The following UBR3 variants were observed in gnomAD, a reference collection of about 807,000 sequenced individuals.
The protein encoded by UBR3 is ubiquitin protein ligase E3 component n-recognin 3.
UBR3 carries 85 observed loss-of-function variants against 243.2 expected under a neutral mutation model. The ratio of observed to expected loss-of-function variants is 0.35; its 90% CI spans 0.29 to 0.42. The LOEUF (loss-of-function observed/expected upper bound fraction) is 0.42. Ranked by LOEUF, UBR3 falls within the 10% of genes least tolerant of loss-of-function variation. UBR3 has a pLI of 1.00. For synonymous variants in UBR3, 748 were observed against 799.8 expected (o/e 0.94, Z 1.09); for missense variants, 1,686 against 2,300.8 (o/e 0.73, Z 5.47).
chr2:170,013,017 T>G (rs2090130262), intron 29 of UBR3, among the ~76,000 whole-genome samples: 1 of 150,472 alleles, frequency 6.6e-6, no homozygotes, highest in Non-Finnish European at 1.5e-5. Flanking sequence ...ATGTAGAGAT[T>G]TTCGCCTCTT....
intron 31 of UBR3, among the ~76,000 whole-genome samples, chr2:170,030,240 C>T (rs967512308): frequency 1.3e-5 from 2 of 152,044 alleles, no homozygotes; most frequent in Non-Finnish European, 2.9e-5. Flanking sequence ...CTTTCTGGTA[C>T]AAGTTGGCCC....
At chr2:170,034,232 G>T (rs12692938) in intron 31 of UBR3, among the ~76,000 whole-genome samples, 1 of 151,888 alleles carries the variant, frequency 6.6e-6, no homozygotes, top group African/African-American at 2.4e-5. Flanking sequence ...TGCTGTTGAA[G>T]ATTCTGTAGG....
intron 35 of UBR3, among the ~76,000 whole-genome samples, chr2:170,070,193 C>T (rs944776288): frequency 4.6e-5 from 7 of 151,770 alleles, no homozygotes; most frequent in Non-Finnish European, 8.8e-5. Flanking sequence ...ACAGTTGGTT[C>T]GACAACAAAA....
chr2:170,076,277 G>A (rs1436617188), intron 36 of UBR3, among the ~76,000 whole-genome samples: 1 of 152,148 alleles, frequency 6.6e-6, no homozygotes, highest in Non-Finnish European at 1.5e-5. Context: ...AGGATGCTAG[G>A]AGGATTTAAA....
intron 30 of UBR3, among the ~76,000 whole-genome samples, chr2:170,015,967 C>A (rs1403435465): frequency 6.6e-6 from 1 of 151,700 alleles, no homozygotes; most frequent in East Asian, 1.9e-4. Flanking sequence ...AATTAATGTG[C>A]ATAGTAGGAA....
At chr2:169,884,840 G>A (rs1488070478) in intron 5 of UBR3, among the ~76,000 whole-genome samples, 3 of 152,046 alleles carry the variant, frequency 2.0e-5, no homozygotes, top group African/African-American at 7.2e-5. Context: ...TCTTCTCAAA[G>A]TATTTTTTAA....
intron 11 of UBR3, among the ~76,000 whole-genome samples, chr2:169,915,049 C>T (rs1159353749): frequency 6.6e-6 from 1 of 152,050 alleles, no homozygotes; most frequent in Non-Finnish European, 1.5e-5. Context: ...CTTATATAGC[C>T]AGAATGCAAC....
At chr2:169,958,706 G>A (rs2087427872) in intron 24 of UBR3, among the ~76,000 whole-genome samples, 180 bp downstream of exon 24, 1 of 152,104 alleles carries the variant, frequency 6.6e-6, no homozygotes, top group South Asian at 2.1e-4. Flanking sequence ...ATTATATTCT[G>A]TTGTTAGTAG....
chr2:169,864,926 A>AAAAG (rs1169968093), intron 1 of UBR3, among the ~76,000 whole-genome samples: 1 of 150,114 alleles, frequency 6.7e-6, no homozygotes, highest in African/African-American at 2.5e-5. Flanking sequence ...AAAAAAAAAA[A>AAAAG]AAAGAAAGAA....
At chr2:169,922,912 A>G (rs2085762423) in intron 11 of UBR3, among the ~76,000 whole-genome samples, 1 of 152,140 alleles carries the variant, frequency 6.6e-6, no homozygotes, top group South Asian at 2.1e-4. Flanking sequence ...ACATATTTAG[A>G]CTCCTTATAA....
At position 169,925,770 on chromosome 2, in the gene UBR3, A is replaced by G. The variant is rs1002449293; in HGVS notation, c.2151+23A>G. The G allele has an allele frequency of 6.5e-6, 10 of 1,534,668 alleles. No homozygotes were observed. The African/African-American group carries it at 1.4e-4, about 21-fold the overall frequency. On this transcript the variant is annotated intron_variant, in intron 14 of 38. Transcript: ENST00000272793. ...CAGGTAAGCCAGCTAGATAATGCAG[A>G]TATACTTTAGAAGTGTCTCATTTGT...
chr2:169,881,033 T>C (rs954297348), intron 5 of UBR3, among the ~76,000 whole-genome samples: 1 of 152,194 alleles, frequency 6.6e-6, no homozygotes, highest in Admixed American at 6.5e-5. Context: ...TAAATACTTT[T>C]TGATGTTAAC....
At chr2:169,872,401 G>C in intron 2 of UBR3, 26 bp downstream of exon 2, 1 of 1,390,100 alleles carries the variant, frequency 7.2e-7, no homozygotes, top group Non-Finnish European at 9.7e-7. Context: ...CTTCTTGTTA[G>C]TACTCTTTTT....
At chr2:169,922,408 A>C (rs927422626) in intron 11 of UBR3, among the ~76,000 whole-genome samples, 1 of 152,128 alleles carries the variant, frequency 6.6e-6, no homozygotes, top group African/African-American at 2.4e-5. Flanking sequence ...CGATTATGGT[A>C]ATGGAGGGCA....
At chr2:169,939,564 GC>G (rs561847266) in intron 19 of UBR3, among the ~76,000 whole-genome samples, 80 of 151,428 alleles carry the variant, frequency 5.3e-4, no homozygotes, top group South Asian at 2.7e-3. Context: ...ATCGTGCCAG[GC>G]CTTTTTTTTT....
intron 33 of UBR3, among the ~76,000 whole-genome samples, chr2:170,059,964 T>C (rs1272163034): frequency 1.3e-5 from 2 of 152,158 alleles, no homozygotes; most frequent in Non-Finnish European, 2.9e-5. Context: ...GTTCATGATA[T>C]TTTGGAATTT....
At chr2:169,885,738 A>G (rs558933111) in intron 5 of UBR3, among the ~76,000 whole-genome samples, 16 of 152,350 alleles carry the variant, frequency 1.1e-4, no homozygotes, top group Admixed American at 2.0e-4. Context: ...GTTACTGTGT[A>G]GATATGCTTT....
chr2:169,846,566 C>G (rs893112308), intron 1 of UBR3, among the ~76,000 whole-genome samples: 5 of 151,970 alleles, frequency 3.3e-5, no homozygotes, highest in Non-Finnish European at 5.9e-5. Context: ...AAAAATTAGC[C>G]GGACGTGGTG....
At position 169,950,002 on chromosome 2, in the gene UBR3, C is replaced by A. The variant is rs775777742; in HGVS notation, c.3482C>A (p.Thr1161Asn). ...ATTGAAGAGATATGTAGAAAAGTGA[C>A]CCCTCCTGTACCACCTAAAAAAGTC... is the stretch of plus-strand genomic sequence containing the variant. ...RIIEEICRKV[T>N]PPVPPKKVTA... The change falls in exon 23 of 39, where the codon ACC becomes AAC. Residue 1161 changes from threonine to asparagine, a missense_variant. Thr to Asn is a moderately conservative substitution (Grantham distance 65, BLOSUM62 0). Transcript: ENST00000272793. 4.2e-5 allele frequency: 68 copies of A among 1,612,598 alleles called. No homozygotes were observed. In the Admixed American group the frequency reaches 1.1e-3, roughly 27 times the overall value.
Sources: gnomAD v4.1 joint callset for allele counts (sites outside exome capture counted in the v4.1 genomes callset) on GRCh38, gnomAD v4.1.1 for gene constraint, MANE v1.5 for transcripts, NCBI Gene and HGNC (gene_info 2026-07-23, HGNC 2026-07-21) for gene names.